Variants in CCDC102B observed in about 807,000 individuals in gnomAD.
CCDC102B encodes coiled-coil domain-containing protein 102B.
CCDC102B carries 75 observed loss-of-function variants against 57.4 expected under a neutral mutation model. The ratio of observed to expected loss-of-function variants is 1.31; its 90% CI spans 1.08 to 1.58. The LOEUF (loss-of-function observed/expected upper bound fraction) is 1.58. Among genes scored for constraint, CCDC102B ranks in the 40% most tolerant of loss-of-function variants. The pLI is 0.00. For synonymous variants in CCDC102B, 206 were observed against 201.9 expected (o/e 1.02, Z -0.17); for missense variants, 636 against 582.6 (o/e 1.09, Z -0.94).
In CCDC102B at chr18:68,909,704, AAGAC is replaced by A. The variant is rs2040773000; in HGVS notation, c.1263+12277_1263+12280del. 3.9e-5 allele frequency among the ~76,000 whole-genome samples: 6 copies of A among 152,330 alleles called. No individual in the cohort carries two copies. The South Asian group carries it at 1.2e-3, about 32-fold the overall frequency. On this transcript the variant is annotated intron_variant, in intron 6 of 7. Coordinates refer to ENST00000360242, the MANE Select transcript of CCDC102B (RefSeq NM_024781.3). ...TTTGGAATCAACTGTGGGAAGCTGA[AAGAC>A]TGGCTGGCTATGTGCATATGATTTT...
chr18:68,749,438 C>T (rs2033757946), intron 2 of CCDC102B, among the ~76,000 whole-genome samples: 1 of 152,044 alleles, frequency 6.6e-6, no homozygotes, highest in East Asian at 1.9e-4. Context: ...TGTTTGTGTC[C>T]TCTTCTATTT....
At chr18:68,871,477 A>T (rs1369689957) in intron 4 of CCDC102B, among the ~76,000 whole-genome samples, 4 of 152,158 alleles carry the variant, frequency 2.6e-5, no homozygotes, top group Non-Finnish European at 5.9e-5. Flanking sequence ...TGACAAAATT[A>T]AGGTTATTTT....
At chr18:68,974,463 T>G (rs2050381785) in intron 6 of CCDC102B, among the ~76,000 whole-genome samples, 1 of 152,056 alleles carries the variant, frequency 6.6e-6, no homozygotes, top group African/African-American at 2.4e-5. Context: ...ACTAAGATAT[T>G]ATTTTAATAT....
intron 6 of CCDC102B, among the ~76,000 whole-genome samples, chr18:68,996,663 C>A (rs1199763523): frequency 6.6e-6 from 1 of 152,152 alleles, no homozygotes; most frequent in Non-Finnish European, 1.5e-5. Context: ...TTACCCAATA[C>A]CTTTACCCCC....
chr18:68,969,516 T>C (rs1235106559), intron 6 of CCDC102B, among the ~76,000 whole-genome samples: 3 of 151,274 alleles, frequency 2.0e-5, no homozygotes, highest in Non-Finnish European at 4.4e-5. Flanking sequence ...CAACCATTCA[T>C]TCTGTGAGAT....
At chr18:68,983,595 C>A (rs559256214) in intron 6 of CCDC102B, among the ~76,000 whole-genome samples, 1 of 151,782 alleles carries the variant, frequency 6.6e-6, no homozygotes, top group South Asian at 2.1e-4. Context: ...CCCCTATGTT[C>A]ATTCATGGCT....
chr18:68,911,727 G>A (rs1166734435), intron 6 of CCDC102B, among the ~76,000 whole-genome samples: 1 of 111,382 alleles, frequency 9.0e-6, no homozygotes, highest in Admixed American at 1.0e-4. Context: ...ACTCCAGCCT[G>A]GGCGACAGAG....
At chr18:69,031,890 C>A (rs2052157059) in intron 7 of CCDC102B, among the ~76,000 whole-genome samples, 1 of 151,950 alleles carries the variant, frequency 6.6e-6, no homozygotes, top group Non-Finnish European at 1.5e-5. Context: ...ATTCTGAATT[C>A]TCTTGTTCTT....
At chr18:68,751,549 G>C (rs2033851792) in intron 2 of CCDC102B, among the ~76,000 whole-genome samples, 1 of 152,156 alleles carries the variant, frequency 6.6e-6, no homozygotes. Context: ...TACAGTATGA[G>C]AGCTGAAGCA....
intron 5 of CCDC102B, among the ~76,000 whole-genome samples, chr18:68,896,116 CA>C (rs1568316605): frequency 1.3e-5 from 2 of 151,840 alleles, no homozygotes; most frequent in African/African-American, 4.8e-5. Flanking sequence ...ATGGTGAAGT[CA>C]CATTAGAATG....
chr18:68,893,691 A>G lies in CCDC102B; in HGVS notation c.1054-3528A>G, dbSNP rs552224832. ...ATTCCAGTTGTTGTTAATGATTACA[A>G]TTGTCAGTATCTTTTCAACAATATC... is the stretch of plus-strand genomic sequence containing the variant. On this transcript the variant is annotated intron_variant, in intron 5 of 7. Transcript: ENST00000360242. 3.9e-5 allele frequency among the ~76,000 whole-genome samples: 6 copies of G among 152,248 alleles called. No homozygotes were observed. The East Asian group carries it at 9.6e-4, about 24-fold the overall frequency.
In CCDC102B at chr18:68,857,195, TTTTATA is replaced by T. The variant is rs1344557526; in HGVS notation, c.936+10776_936+10781del. The stretch of plus-strand genomic sequence containing the variant: ...AATATATAAAAATATATTTATATAT[TTTTATA>T]TAATATATAAAAATATATTTATATA... On this transcript the variant is annotated intron_variant, in intron 4 of 7. Transcript: ENST00000360242. Among the ~76,000 whole-genome samples the T allele has an allele frequency of 2.3e-3, 71 of 30,980 alleles. 4 individuals are homozygous for T. The highest frequency in any genetic ancestry group is 4.4e-3 in the African/African-American group (28 of 6,294). The allele number at this position is 30,980 out of a possible 152,430, so 20.3% of individuals were successfully genotyped here.
At chr18:69,000,099 G>T (rs1301404514) in intron 6 of CCDC102B, among the ~76,000 whole-genome samples, 2 of 152,014 alleles carry the variant, frequency 1.3e-5, no homozygotes, top group Admixed American at 6.6e-5. Flanking sequence ...CCCTCCAAAG[G>T]CTATGTGCAG....
At chr18:68,927,313 C>T (rs2145127768) in intron 6 of CCDC102B, among the ~76,000 whole-genome samples, 1 of 152,074 alleles carries the variant, frequency 6.6e-6, no homozygotes, top group South Asian at 2.1e-4. Context: ...TGAAAGTCAT[C>T]TTCAATTAAG....
chr18:68,969,794 C>A (rs1378702001), intron 6 of CCDC102B, among the ~76,000 whole-genome samples: 1 of 151,682 alleles, frequency 6.6e-6, no homozygotes, highest in African/African-American at 2.4e-5. Context: ...ATTTGTATTT[C>A]AGGACTTTTT....
chr18:68,975,631 G>A (rs1007805446), intron 6 of CCDC102B, among the ~76,000 whole-genome samples: 1 of 151,882 alleles, frequency 6.6e-6, no homozygotes, highest in Admixed American at 6.6e-5. Context: ...GTTGAAGTGC[G>A]TGGTTTGGCA....
chr18:68,872,594 T>C, intron 4 of CCDC102B, among the ~76,000 whole-genome samples: 1 of 151,970 alleles, frequency 6.6e-6, no homozygotes, highest in Non-Finnish European at 1.5e-5. Context: ...GATCCAGTTT[T>C]TTCTCTCCAT....
chr18:68,920,250 A>C (rs1384620350), intron 6 of CCDC102B, among the ~76,000 whole-genome samples: 1 of 152,110 alleles, frequency 6.6e-6, no homozygotes, highest in Non-Finnish European at 1.5e-5. Context: ...TGGAGGCATC[A>C]CACTACCCAA....
At chr18:68,819,792 T>G (rs1323212248) in intron 1 of CCDC102B, among the ~76,000 whole-genome samples, 2 of 152,010 alleles carry the variant, frequency 1.3e-5, no homozygotes, top group Non-Finnish European at 2.9e-5. Flanking sequence ...AGCTTACCTA[T>G]CTTCTGGTAC....
Sources: allele counts gnomAD v4.1 joint callset (sites outside exome capture counted in the v4.1 genomes callset), GRCh38; gene constraint gnomAD v4.1.1; transcripts MANE v1.5; gene names NCBI Gene and HGNC (gene_info 2026-07-23, HGNC 2026-07-21).